RSPO4: variants seen among roughly 807,000 people sequenced by gnomAD.
RSPO4 encodes R-spondin-4.
Under a neutral mutation model 24.8 loss-of-function variants are expected in RSPO4, and 23 were observed. The observed-to-expected ratio is 0.93, with a 90% CI of 0.67 to 1.31. RSPO4 has a LOEUF of 1.31. Among genes scored for constraint, RSPO4 ranks in the 40% most tolerant of loss-of-function variants. The pLI is 0.00. For synonymous variants in RSPO4, 141 were observed against 127.4 expected (o/e 1.11, Z -0.72); for missense variants, 333 against 316.5 (o/e 1.05, Z -0.39).
At chr20:965,591 G>C (rs1984167825) in intron 3 of RSPO4, among the ~76,000 whole-genome samples, 1 of 152,214 alleles carries the variant, frequency 6.6e-6, no homozygotes. Context: ...GGCGGGAGAC[G>C]GGCAGGAGCT....
At chr20:986,454 G>A (rs897750990) in intron 1 of RSPO4, among the ~76,000 whole-genome samples, 1 of 152,120 alleles carries the variant, frequency 6.6e-6, no homozygotes, top group East Asian at 1.9e-4. Context: ...CTCCCTACAG[G>A]GCAAATCAGT....
At chr20:999,972 G>C (rs528708213) in intron 1 of RSPO4, among the ~76,000 whole-genome samples, 2 of 152,004 alleles carry the variant, frequency 1.3e-5, no homozygotes, top group African/African-American at 4.8e-5. Context: ...GGGTTCAAGC[G>C]ACTCTCCTGC....
Position 1,002,034 on chromosome 20 carries a change from C to A in RSPO4, c.79+52G>T. ...CCGCCGCCCCCGGTCCTCCGGCCCC[C>A]GGTCTGCCCCGCAGCGCCTGCCCGG... is the stretch of plus-strand genomic sequence containing the variant. On this transcript the variant is annotated intron_variant, in intron 1 of 4. Transcript: ENST00000217260. This position sits in a 1 kb window ranked among gnomAD's most constrained non-coding sequence, Gnocchi z 4.6. The A allele has an allele frequency of 6.8e-7, 1 of 1,477,984 alleles. No homozygotes were observed. The allele number at this position is 1,477,984 out of a possible 1,614,324, so 91.6% of individuals were successfully genotyped here. A position where few individuals can be genotyped will look rare whatever the true frequency, so the allele number is the denominator to read the frequency against.
chr20:990,634 C>G (rs1194487203), intron 1 of RSPO4, among the ~76,000 whole-genome samples: 1 of 152,018 alleles, frequency 6.6e-6, no homozygotes, highest in Non-Finnish European at 1.5e-5. Flanking sequence ...AGATGATCCA[C>G]AAACTGAACT....
chr20:966,083 G>A (rs142939691), intron 3 of RSPO4, among the ~76,000 whole-genome samples: 29 of 152,282 alleles, frequency 1.9e-4, no homozygotes, highest in African/African-American at 6.7e-4. Context: ...GGCAGTGGGA[G>A]TGGAAAGAAG....
At chr20:965,486 A>G (rs1984164265) in intron 3 of RSPO4, among the ~76,000 whole-genome samples, 2 of 152,228 alleles carry the variant, frequency 1.3e-5, no homozygotes, top group African/African-American at 4.8e-5. Context: ...GAGCCACTGA[A>G]GGGTCCTGGG....
chr20:995,406 G>A (rs1216979718), intron 1 of RSPO4, among the ~76,000 whole-genome samples: 1 of 152,126 alleles, frequency 6.6e-6, no homozygotes, highest in Non-Finnish European at 1.5e-5. Context: ...CTGTAAGCTG[G>A]CGGTAGAGGC....
chr20:972,687 T>C (rs2122225659), intron 1 of RSPO4, among the ~76,000 whole-genome samples: 1 of 152,254 alleles, frequency 6.6e-6, no homozygotes, highest in South Asian at 2.1e-4. Flanking sequence ...TTGCCCATCT[T>C]GTTTAGGTCA....
Position 970,053 on chromosome 20 carries a change from T to G in RSPO4, c.80-1915A>C, listed in dbSNP as rs1984360151. The stretch of plus-strand genomic sequence containing the variant: ...TCCTGATGAAACACATCCTGGCACC[T>G]TCCCCCTGGAACAGAAACCAAAAGA... On this transcript the variant is annotated intron_variant, in intron 1 of 4. Coordinates refer to ENST00000217260, the MANE Select transcript of RSPO4 (RefSeq NM_001029871.4). This position sits in a 1 kb window ranked among gnomAD's most constrained non-coding sequence, Gnocchi z 4.1. Among the ~76,000 whole-genome samples, 1 of 152,114 alleles carries G rather than the reference T, an allele frequency of 6.6e-6. No homozygotes were observed. The highest frequency in any genetic ancestry group is 1.5e-5 in the Non-Finnish European group (1 of 68,018).
At chr20:994,381 C>T (rs1341260311) in intron 1 of RSPO4, among the ~76,000 whole-genome samples, 2 of 152,084 alleles carry the variant, frequency 1.3e-5, no homozygotes, top group Non-Finnish European at 2.9e-5. Context: ...ATGATGGCCC[C>T]GTGGCTTGGT....
intron 1 of RSPO4, among the ~76,000 whole-genome samples, chr20:977,038 G>T (rs1018392840): frequency 4.6e-5 from 7 of 152,148 alleles, no homozygotes; most frequent in African/African-American, 1.7e-4. Context: ...GAGGGAAAAG[G>T]TCAGCTGCCC....
Position 970,773 on chromosome 20 carries a change from G to A in RSPO4, c.80-2635C>T, listed in dbSNP as rs76649056. ...CACCTTAGATAGGAGTGTAAACTTC[G>A]GGGAAAAATCTAGCAGTACCTAATA... On this transcript the variant is annotated intron_variant, in intron 1 of 4. Coordinates refer to ENST00000217260, the MANE Select transcript of RSPO4 (RefSeq NM_001029871.4). The surrounding 1 kb of genome is among the most constrained non-coding windows in gnomAD (Gnocchi z 4.1). Among the ~76,000 whole-genome samples the A allele has an allele frequency of 0.045, 6,829 of 152,146 alleles. 538 individuals are homozygous for A. The highest frequency in any genetic ancestry group is 0.15 in the African/African-American group (6,411 of 41,474).
intron 1 of RSPO4, among the ~76,000 whole-genome samples, chr20:990,082 G>A (rs977495576): frequency 6.6e-6 from 1 of 152,212 alleles, no homozygotes; most frequent in Non-Finnish European, 1.5e-5. Context: ...GCATTCACAG[G>A]AGGAGCCAGG....
intron 1 of RSPO4, among the ~76,000 whole-genome samples, chr20:989,950 C>T (rs1275726149): frequency 6.6e-6 from 1 of 152,192 alleles, no homozygotes; most frequent in Admixed American, 6.5e-5. Flanking sequence ...AGGACCTGTG[C>T]CACCCAGGTC....
chr20:999,234 C>G (rs1392420299), intron 1 of RSPO4, among the ~76,000 whole-genome samples: 1 of 152,100 alleles, frequency 6.6e-6, no homozygotes, highest in Non-Finnish European at 1.5e-5. Context: ...AGGCTGGTCT[C>G]GAACTCCTGA....
Position 960,422 on chromosome 20 carries a change from G to A in RSPO4, c.640C>T (p.Arg214Cys), listed in dbSNP as rs369687640. ...QKKGRKDRRP[R>C]KDRKLDRRLD... Reference sequence around the variant, plus strand: ...CTGCGGTCCAGCTTCCTGTCCTTGCGTGGGCGCCGGTCCTTCCTGCCCTTC... The same window carrying A: ...CTGCGGTCCAGCTTCCTGTCCTTGCATGGGCGCCGGTCCTTCCTGCCCTTC... The change falls in exon 5 of 5, where the codon CGC (arginine) becomes TGC (cysteine). Residue 214 changes from arginine (R) to cysteine (C), a missense_variant. Arg to Cys is a radical substitution (Grantham distance 180). Coordinates refer to ENST00000217260, the MANE Select transcript of RSPO4 (RefSeq NM_001029871.4). 4.9e-5 allele frequency: 75 copies of A among 1,539,700 alleles called. No homozygotes were observed. In the African/African-American group the frequency reaches 7.5e-4, roughly 15 times the overall value.
At chr20:998,802 GTGAA>G (rs1985374977) in intron 1 of RSPO4, among the ~76,000 whole-genome samples, 1 of 152,182 alleles carries the variant, frequency 6.6e-6, no homozygotes, top group South Asian at 2.1e-4. Context: ...AAATGAACAA[GTGAA>G]TGAATGAAGC....
At chr20:974,155 C>G (rs1175103092) in intron 1 of RSPO4, among the ~76,000 whole-genome samples, 1 of 152,198 alleles carries the variant, frequency 6.6e-6, no homozygotes, top group Non-Finnish European at 1.5e-5. Flanking sequence ...TAACAATCTC[C>G]AGAGAGGCTT....
intron 4 of RSPO4, among the ~76,000 whole-genome samples, chr20:962,401 C>T (rs1984029206): frequency 6.6e-6 from 1 of 152,124 alleles, no homozygotes; most frequent in South Asian, 2.1e-4. Context: ...ATGGTAGATG[C>T]TTTATGAATG....
Sources: allele counts gnomAD v4.1 joint callset (sites outside exome capture counted in the v4.1 genomes callset), GRCh38; gene constraint gnomAD v4.1.1; non-coding constraint Gnocchi (gnomAD v3.1); transcripts MANE v1.5; gene names NCBI Gene and HGNC (gene_info 2026-07-23, HGNC 2026-07-21).